Variants in BMPR1B observed in about 807,000 individuals in gnomAD.
The protein encoded by BMPR1B is bone morphogenetic protein receptor type-1B.
BMPR1B carries 12 observed loss-of-function variants against 59.1 expected under a neutral mutation model. The ratio of observed to expected loss-of-function variants is 0.20; its 90% CI spans 0.13 to 0.33. The LOEUF (loss-of-function observed/expected upper bound fraction) is 0.33. Ranked by LOEUF, BMPR1B falls within the 10% of genes least tolerant of loss-of-function variation. BMPR1B has a pLI of 1.00. For synonymous variants in BMPR1B, 237 were observed against 207.3 expected (o/e 1.14, Z -1.23); for missense variants, 550 against 610.9 (o/e 0.90, Z 1.05).
intron 1 of BMPR1B, among the ~76,000 whole-genome samples, chr4:94,847,128 A>G (rs200084160): frequency 1.2e-4 from 19 of 152,204 alleles, no homozygotes; most frequent in East Asian, 3.8e-4. Context: ...TGGGCAGAAA[A>G]TCTGAAGAAA....
intron 2 of BMPR1B, among the ~76,000 whole-genome samples, chr4:94,905,387 G>C (rs1727996919): frequency 6.6e-6 from 1 of 151,906 alleles, no homozygotes; most frequent in African/African-American, 2.4e-5. Context: ...AACAGTAATG[G>C]CTAACAATTT....
chr4:94,879,858 TTAAAA>T (rs1274566749), intron 2 of BMPR1B, among the ~76,000 whole-genome samples: 1 of 152,140 alleles, frequency 6.6e-6, no homozygotes, highest in Non-Finnish European at 1.5e-5. Context: ...GTTTGATACT[TTAAAA>T]GAAAAAAACA....
At chr4:95,053,741 C>G (rs889273013) in intron 3 of BMPR1B, among the ~76,000 whole-genome samples, 10 of 152,080 alleles carry the variant, frequency 6.6e-5, no homozygotes, top group African/African-American at 2.2e-4. Context: ...AGCTTTGTCA[C>G]CAATTGACTT....
chr4:94,845,617 C>T lies in BMPR1B; in HGVS notation c.-182-30214C>T, dbSNP rs527846264. On this transcript the variant is annotated intron_variant, in intron 1 of 12. Coordinates refer to ENST00000515059, the MANE Select transcript of BMPR1B (RefSeq NM_001203.3). ...TGGGCCTCCCAAAGTGCTGGGATTA[C>T]AGGCGTGAGCCATCGTGCCTGGCCA... is the stretch of plus-strand genomic sequence containing the variant. 8.2e-4 allele frequency among the ~76,000 whole-genome samples: 125 copies of T among 152,312 alleles called. 2 individuals are homozygous for T. In the South Asian group the frequency reaches 0.025, roughly 31 times the overall value.
chr4:94,949,775 G>C (rs1729860789), intron 2 of BMPR1B, among the ~76,000 whole-genome samples: 1 of 152,170 alleles, frequency 6.6e-6, no homozygotes. Flanking sequence ...CTTTAAAGTA[G>C]AATGATGTAT....
chr4:95,106,070 G>C (rs1731179885), intron 4 of BMPR1B, among the ~76,000 whole-genome samples: 1 of 152,026 alleles, frequency 6.6e-6, no homozygotes, highest in South Asian at 2.1e-4. Flanking sequence ...GGTATCTGCA[G>C]TGGAAATTCT....
chr4:94,868,514 G>A (rs61505577), intron 1 of BMPR1B, among the ~76,000 whole-genome samples: 4,359 of 152,198 alleles, frequency 0.029, 199 homozygotes, highest in African/African-American at 0.099. Context: ...CAAAAAAGGG[G>A]GCTCCCCACT....
At chr4:95,135,504 T>A (rs967552776) in intron 10 of BMPR1B, among the ~76,000 whole-genome samples, 1 of 152,196 alleles carries the variant, frequency 6.6e-6, no homozygotes, top group South Asian at 2.1e-4. Context: ...GCATGGAAAG[T>A]TCTTCTATTA....
intron 1 of BMPR1B, among the ~76,000 whole-genome samples, chr4:94,796,707 G>T (rs186819350): frequency 1.3e-4 from 20 of 152,178 alleles, no homozygotes; most frequent in Admixed American, 3.3e-4. Context: ...CTTGTATGTT[G>T]CCTATGTGTC....
At chr4:95,116,969 T>C (rs1373539423) in intron 6 of BMPR1B, among the ~76,000 whole-genome samples, 2 of 152,118 alleles carry the variant, frequency 1.3e-5, no homozygotes, top group Non-Finnish European at 2.9e-5. Context: ...TACATTAGAA[T>C]GTAAGAGAGC....
chr4:95,146,958 CAAT>C (rs1402616445), intron 10 of BMPR1B, among the ~76,000 whole-genome samples: 1 of 152,148 alleles, frequency 6.6e-6, no homozygotes, highest in Non-Finnish European at 1.5e-5. Context: ...TCTATTATAC[CAAT>C]AAGTGCTGAG....
chr4:94,953,904 A>G (rs753173526), intron 2 of BMPR1B, among the ~76,000 whole-genome samples: 39 of 152,252 alleles, frequency 2.6e-4, no homozygotes, highest in Non-Finnish European at 4.9e-4. Context: ...AGTGGAACAT[A>G]GGTTTGGTCT....
intron 10 of BMPR1B, among the ~76,000 whole-genome samples, chr4:95,133,540 T>A (rs1443754390): frequency 6.6e-6 from 1 of 152,156 alleles, no homozygotes; most frequent in Non-Finnish European, 1.5e-5. Flanking sequence ...TCACAACTAC[T>A]GATCTTCACA....
intron 2 of BMPR1B, among the ~76,000 whole-genome samples, chr4:94,951,840 T>A (rs1486409212): frequency 6.6e-6 from 1 of 152,206 alleles, no homozygotes; most frequent in African/African-American, 2.4e-5. Context: ...TGGTACCAGC[T>A]CTTCTTTTTA....
intron 1 of BMPR1B, among the ~76,000 whole-genome samples, chr4:94,839,986 G>A (rs1487175857): frequency 1.3e-5 from 2 of 148,562 alleles, no homozygotes; most frequent in African/African-American, 5.0e-5. Flanking sequence ...GCATTTGCTT[G>A]TTTGTAAAGT....
At chr4:94,848,776 A>G (rs78526302) in intron 1 of BMPR1B, among the ~76,000 whole-genome samples, 8,804 of 152,172 alleles carry the variant, frequency 0.058, 718 homozygotes, top group African/African-American at 0.17. Context: ...CTAGAATGGC[A>G]GGGGTGGAGC....
At chr4:95,084,121 A>C (rs186869563) in intron 3 of BMPR1B, among the ~76,000 whole-genome samples, 10 of 152,024 alleles carry the variant, frequency 6.6e-5, no homozygotes, top group Admixed American at 4.6e-4. Context: ...AAATATGTAA[A>C]AGTGGATGTC....
intron 10 of BMPR1B, among the ~76,000 whole-genome samples, chr4:95,137,510 G>A (rs749055157): frequency 2.6e-5 from 4 of 152,246 alleles, no homozygotes; most frequent in Admixed American, 6.5e-5. Context: ...ACAGTGGGGT[G>A]TTAAAGTCTC....
chr4:95,049,950 G>T (rs886284752), intron 3 of BMPR1B, among the ~76,000 whole-genome samples: 5 of 152,028 alleles, frequency 3.3e-5, no homozygotes, highest in African/African-American at 1.2e-4. Context: ...AGAGAGCAGA[G>T]ATTCTGTCTT....
Sources: gnomAD v4.1 joint callset for allele counts (sites outside exome capture counted in the v4.1 genomes callset) on GRCh38, gnomAD v4.1.1 for gene constraint, MANE v1.5 for transcripts, NCBI Gene and HGNC (gene_info 2026-07-23, HGNC 2026-07-21) for gene names.